WDR17: variants seen among roughly 807,000 people sequenced by gnomAD.
WDR17 encodes WD repeat-containing protein 17.
WDR17 carries 143 observed loss-of-function variants against 161.7 expected under a neutral mutation model. The observed-to-expected ratio is 0.88, with a 90% CI of 0.77 to 1.02. The LOEUF is 1.02. Among genes scored for constraint, WDR17 ranks in the 50% least tolerant of loss-of-function variants. The pLI is 0.00. For synonymous variants in WDR17, 517 were observed against 515.6 expected, an observed-to-expected ratio of 1.00 and a Z score of -0.04; for missense variants, 1,469 against 1,520.9, an observed-to-expected ratio of 0.97 and a Z score of 0.57.
At chr4:176,150,827 G>A (rs185143064) in intron 16 of WDR17, among the ~76,000 whole-genome samples, 129 of 152,192 alleles carry the variant, frequency 8.5e-4, no homozygotes, top group Non-Finnish European at 1.5e-3. Flanking sequence ...AAGGTCACTC[G>A]GAACTCCTTG....
chr4:176,160,063 GA>G lies in WDR17; in HGVS notation c.2600del (p.Lys867SerfsTer2). Reference protein sequence around the residue: ...IPYCIAIGDVKKLVHFFMSRG... With the variant: ...IPYCIAIGDVXKLVHFFMSRG... ...CATACTGCATAGCCATTGGTGATGT[GA>G]AAAAGCTAGTCCATTTTTTCATGTC... On this transcript the variant is annotated frameshift_variant, in exon 19 of 29. Transcript: ENST00000508596. LOFTEE classifies it high-confidence loss of function. The G allele has an allele frequency of 2.5e-6, 4 of 1,613,804 alleles. No individual in the cohort carries two copies. The highest frequency in any genetic ancestry group is 2.5e-6 in the Non-Finnish European group (3 of 1,179,788).
chr4:176,087,943 A>G (rs894653855), intron 1 of WDR17, among the ~76,000 whole-genome samples: 1 of 151,860 alleles, frequency 6.6e-6, no homozygotes, highest in Non-Finnish European at 1.5e-5. Flanking sequence ...CCCCAGGTTC[A>G]AGCAATTCTT....
chr4:176,070,786 C>G (rs1300075280), intron 1 of WDR17, among the ~76,000 whole-genome samples: 2 of 152,070 alleles, frequency 1.3e-5, no homozygotes, highest in African/African-American at 4.8e-5. Context: ...CTGCCAAAGT[C>G]CTGGGATGCA....
At chr4:176,112,812 C>T (rs941309550) in intron 2 of WDR17, among the ~76,000 whole-genome samples, 10 of 151,994 alleles carry the variant, frequency 6.6e-5, no homozygotes, top group Admixed American at 5.2e-4. Flanking sequence ...CATTAAATGT[C>T]TTAAATGAAT....
Position 176,146,064 on chromosome 4 carries a change from A to G in WDR17, c.1599A>G (p.Gln533=), listed in dbSNP as rs1354326280. The G allele has an allele frequency of 6.2e-7, 1 of 1,614,066 alleles. No individual in the cohort carries two copies. The highest frequency in any genetic ancestry group is 1.1e-5 in the South Asian group (1 of 91,068). The change falls in exon 12 of 29, where the codon CAA becomes CAG. Residue 533 remains glutamine, a synonymous_variant. Transcript: ENST00000508596. ...ATTATGTAGCCACCAGCTCAGATCA[A>G]CCATTGAAAGTATTTAGTGGGCATA... ...RVYYVATSSD[Q]PLKVFSGHTA...
intron 23 of WDR17, among the ~76,000 whole-genome samples, chr4:176,169,549 TAC>T (rs1256357521): frequency 6.6e-6 from 1 of 152,146 alleles, no homozygotes; most frequent in African/African-American, 2.4e-5. Flanking sequence ...TTTAGGAAGA[TAC>T]AGTTTCTTTT....
chr4:176,167,724 A>C (rs1750089211), intron 22 of WDR17, among the ~76,000 whole-genome samples: 1 of 151,264 alleles, frequency 6.6e-6, no homozygotes, highest in South Asian at 2.1e-4. Context: ...TGATGTATGC[A>C]TCCATTTACT....
rs1353354879 is a variant in WDR17, at chr4:176,130,624, AG to A, written c.914-929del. ...GCCGGGCGTGGTGGCAGGAGCCTGT[AG>A]TCCCAGCTACTGGGGAGGCTGAGGC... On this transcript the variant is annotated intron_variant, in intron 6 of 28. Coordinates refer to ENST00000508596, the MANE Select transcript of WDR17 (RefSeq NM_181265.4). Among the ~76,000 whole-genome samples the A allele has an allele frequency of 2.6e-5, 4 of 151,810 alleles. No individual in the cohort carries two copies. The East Asian group carries it at 7.8e-4, about 29-fold the overall frequency.
At chr4:176,164,088 A>G (rs149945203) in intron 22 of WDR17, among the ~76,000 whole-genome samples, 2 of 152,272 alleles carry the variant, frequency 1.3e-5, no homozygotes, top group African/African-American at 4.8e-5. Context: ...ACTATTGAAC[A>G]CCACAGGTGG....
Position 176,179,594 on chromosome 4 carries a change from C to A in WDR17, c.*15C>A, listed in dbSNP as rs1416193832. On this transcript the variant is annotated 3_prime_UTR_variant, in exon 29 of 29. Transcript: ENST00000508596. ...ATCCATTCTGATAGAAGATTTTTGT[C>A]CATGCTTGATTTTTTTTTTTAAAGA... 2.0e-6 allele frequency: 3 copies of A among 1,531,242 alleles called. No homozygotes were observed. The highest frequency in any genetic ancestry group is 4.8e-5 in the East Asian group (2 of 42,010). The allele number at this position is 1,531,242 out of a possible 1,614,324, so 94.9% of individuals were successfully genotyped here.
intron 7 of WDR17, 66 bp from the exon 8 acceptor site, chr4:176,135,042 G>A (rs892926073): frequency 6.7e-7 from 1 of 1,485,560 alleles, no homozygotes; most frequent in Non-Finnish European, 9.3e-7. Context: ...AGTAAACATT[G>A]TGGTTCATCT....
chr4:176,166,088 A>G (rs763760166), intron 22 of WDR17: 11 of 1,092,162 alleles, frequency 1.0e-5, no homozygotes, highest in Admixed American at 5.7e-5. Flanking sequence ...TATTCATCGT[A>G]TAATCATGGT....
chr4:176,101,778 AAGAT>A (rs1460599093), intron 1 of WDR17, among the ~76,000 whole-genome samples: 1 of 152,182 alleles, frequency 6.6e-6, no homozygotes, highest in Non-Finnish European at 1.5e-5. Context: ...CAGTGAAACA[AAGAT>A]AGTCTTTTCA....
At chr4:176,171,455 G>C (rs558207307) in intron 23 of WDR17, among the ~76,000 whole-genome samples, 1 of 151,966 alleles carries the variant, frequency 6.6e-6, no homozygotes, top group East Asian at 1.9e-4. Context: ...AATATCAAAC[G>C]TTATATATAT....
At chr4:176,130,614 A>G (rs5016799) in intron 6 of WDR17, among the ~76,000 whole-genome samples, 133,422 of 151,700 alleles carry the variant, frequency 0.88, 60,052 homozygotes, top group Non-Finnish European at 0.98. Context: ...GCGTGGTGGC[A>G]GGAGCCTGTA....
intron 1 of WDR17, among the ~76,000 whole-genome samples, chr4:176,097,308 T>C (rs1020904615): frequency 9.9e-5 from 15 of 152,008 alleles, no homozygotes; most frequent in African/African-American, 3.6e-4. Flanking sequence ...AACCAGACTA[T>C]GTGCAGTTTT....
chr4:176,074,810 C>CTTTTTTTTTTTTTT (rs386357678), intron 1 of WDR17, among the ~76,000 whole-genome samples: 20 of 79,180 alleles, frequency 2.5e-4, no homozygotes, highest in Non-Finnish European at 3.9e-4. Flanking sequence ...TTTTTTAATG[C>CTTTTTTTTTTTTTT]TTTTTTTTTT....
intron 15 of WDR17, 128 bp downstream of exon 15, chr4:176,150,301 A>C: frequency 6.8e-7 from 1 of 1,460,302 alleles, no homozygotes; most frequent in Non-Finnish European, 9.2e-7. Context: ...TAATCTGTGC[A>C]CTATAAGAAA....
Position 176,149,950 on chromosome 4 carries a change from A to G in WDR17, c.2041A>G (p.Asn681Asp). The change falls in exon 14 of 29, where the codon AAC becomes GAC. Residue 681 changes from asparagine (N) to aspartate (D), a missense_variant. Coordinates refer to ENST00000508596, the MANE Select transcript of WDR17 (RefSeq NM_181265.4). ...ADRSWEEIIG[N>D]TDYAIEPGTP... ...CAGATCTTGGGAAGAAATTATTGGG[A>G]ACACTGGTATGGAACATATACATGT... 6.2e-7 allele frequency: 1 copy of G among 1,612,470 alleles called. No individual in the cohort carries two copies. Among genetic ancestry groups the G allele is most frequent in the Non-Finnish European group, 8.5e-7 (1 of 1,179,720 alleles).
Sources: gnomAD v4.1 joint callset for allele counts (sites outside exome capture counted in the v4.1 genomes callset) on GRCh38, gnomAD v4.1.1 for gene constraint, MANE v1.5 for transcripts, NCBI Gene and HGNC (gene_info 2026-07-23, HGNC 2026-07-21) for gene names.